SPATA6: variants seen among roughly 807,000 people sequenced by gnomAD.
SPATA6 encodes spermatogenesis-associated protein 6.
SPATA6 carries 56 observed loss-of-function variants against 65.3 expected under a neutral mutation model. The observed-to-expected ratio is 0.86, with a 90% CI of 0.69 to 1.07. The LOEUF (loss-of-function observed/expected upper bound fraction) is 1.07. SPATA6 is among the 50% of genes least tolerant of loss of function. SPATA6 has a pLI of 0.00. For synonymous variants in SPATA6, 199 were observed against 213.2 expected (o/e 0.93, Z 0.58); for missense variants, 590 against 594.8 (o/e 0.99, Z 0.08).
intron 5 of SPATA6, among the ~76,000 whole-genome samples, chr1:48,408,630 T>G (rs1173869375): frequency 5.3e-5 from 8 of 152,198 alleles, no homozygotes. Context: ...AGTTCATTTT[T>G]AATGGTACTG....
chr1:48,334,148 A>T (rs1297796723), intron 11 of SPATA6, among the ~76,000 whole-genome samples: 1 of 152,118 alleles, frequency 6.6e-6, no homozygotes, highest in East Asian at 1.9e-4. Flanking sequence ...ATAGCCGACC[A>T]ACCAATAAAA....
intron 9 of SPATA6, among the ~76,000 whole-genome samples, chr1:48,372,807 G>A (rs1266202104): frequency 2.0e-5 from 3 of 152,200 alleles, no homozygotes; most frequent in South Asian, 4.1e-4. Flanking sequence ...CCACATGGAC[G>A]CTGCCAAGGC....
chr1:48,360,906 A>C (rs1646793739), intron 9 of SPATA6, among the ~76,000 whole-genome samples: 1 of 152,288 alleles, frequency 6.6e-6, no homozygotes, highest in Non-Finnish European at 1.5e-5. Flanking sequence ...GATGACACTA[A>C]GGTTTTCTGT....
chr1:48,314,652 A>G (rs1645345471), intron 11 of SPATA6, among the ~76,000 whole-genome samples: 1 of 152,224 alleles, frequency 6.6e-6, no homozygotes, highest in Non-Finnish European at 1.5e-5. Context: ...AAGAGCAAAC[A>G]CATTCAAAAC....
chr1:48,405,978 T>C (rs1241022858), intron 5 of SPATA6, among the ~76,000 whole-genome samples: 1 of 152,090 alleles, frequency 6.6e-6, no homozygotes, highest in Non-Finnish European at 1.5e-5. Flanking sequence ...AATAAAATCC[T>C]GGTATAGATA....
chr1:48,309,913 C>T (rs539400543), intron 11 of SPATA6, among the ~76,000 whole-genome samples: 1 of 152,084 alleles, frequency 6.6e-6, no homozygotes, highest in East Asian at 1.9e-4. Flanking sequence ...TAGCCTAAGC[C>T]GTAACTGATT....
At chr1:48,438,697 C>T (rs577544093) in intron 3 of SPATA6, among the ~76,000 whole-genome samples, 1 of 152,300 alleles carries the variant, frequency 6.6e-6, no homozygotes, top group Admixed American at 6.5e-5. Flanking sequence ...GCCTGTCAGA[C>T]AAACTTCCTC....
chr1:48,329,052 T>C (rs1273864697), intron 11 of SPATA6, among the ~76,000 whole-genome samples: 2 of 152,172 alleles, frequency 1.3e-5, no homozygotes, highest in African/African-American at 4.8e-5. Context: ...TGCCAGGTCT[T>C]GATGAAATAT....
intron 3 of SPATA6, among the ~76,000 whole-genome samples, chr1:48,421,933 G>C (rs769191114): frequency 2.6e-5 from 4 of 152,104 alleles, no homozygotes; most frequent in African/African-American, 4.8e-5. Context: ...ATTTATCTTA[G>C]ACCTTCAAAA....
At chr1:48,409,613 A>C (rs1183213648) in intron 5 of SPATA6, among the ~76,000 whole-genome samples, 1 of 152,240 alleles carries the variant, frequency 6.6e-6, no homozygotes, top group African/African-American at 2.4e-5. Context: ...TCGCCCCTGC[A>C]GCAAACTTCT....
the SPATA6 span, among the ~76,000 whole-genome samples, chr1:48,277,812 G>A: frequency 1.3e-5 from 2 of 152,232 alleles, no homozygotes; most frequent in Non-Finnish European, 1.5e-5. Context: ...CTCTCTGACA[G>A]CTTTGAAGAG....
At chr1:48,419,781 T>C (rs1653148384) in intron 3 of SPATA6, among the ~76,000 whole-genome samples, 1 of 152,158 alleles carries the variant, frequency 6.6e-6, no homozygotes, top group South Asian at 2.1e-4. Flanking sequence ...AGGGGACACC[T>C]GATATGAAAA....
At chr1:48,439,010 G>A (rs778593142) in intron 3 of SPATA6, among the ~76,000 whole-genome samples, 4 of 152,114 alleles carry the variant, frequency 2.6e-5, no homozygotes, top group Non-Finnish European at 5.9e-5. Context: ...GATGAGAAAT[G>A]AGGACAAAAG....
intron 11 of SPATA6, 137 bp from the exon 12 acceptor site, chr1:48,306,015 C>A (rs949592967): frequency 3.2e-6 from 2 of 616,952 alleles, no homozygotes; most frequent in Non-Finnish European, 5.6e-6. Flanking sequence ...GCTAGTGTTT[C>A]TTTGGGGGGA....
At chr1:48,292,342 G>A (rs150887526), downstream of SPATA6, among the ~76,000 whole-genome samples, 1 of 152,332 alleles carries the variant, frequency 6.6e-6, no homozygotes, top group East Asian at 1.9e-4. Context: ...GAAGTAGCCA[G>A]GGTCCACAAC....
chr1:48,469,213 C>T (rs926913230), intron 1 of SPATA6, among the ~76,000 whole-genome samples: 39 of 151,652 alleles, frequency 2.6e-4, no homozygotes, highest in African/African-American at 9.4e-4. Flanking sequence ...CAATTTTTAG[C>T]AAAAAAATAA....
chr1:48,339,449 C>A (rs1045138650), intron 11 of SPATA6, among the ~76,000 whole-genome samples: 5 of 151,932 alleles, frequency 3.3e-5, no homozygotes, highest in East Asian at 1.9e-4. Context: ...AAGCAGATCA[C>A]AAACAGAATC....
At chr1:48,277,207 G>A in the SPATA6 span, among the ~76,000 whole-genome samples, 1 of 151,904 alleles carries the variant, frequency 6.6e-6, no homozygotes, top group African/African-American at 2.4e-5. Flanking sequence ...AGCCAAGATG[G>A]CCAAATAGGA....
intron 3 of SPATA6, among the ~76,000 whole-genome samples, chr1:48,422,360 T>C (rs546197469): frequency 3.9e-4 from 59 of 152,292 alleles, no homozygotes; most frequent in African/African-American, 1.4e-3. Flanking sequence ...CCTAAGAGCA[T>C]CTGCTAATTC....
Sources: allele counts gnomAD v4.1 joint callset (sites outside exome capture counted in the v4.1 genomes callset), GRCh38; gene constraint gnomAD v4.1.1; transcripts MANE v1.5; gene names NCBI Gene and HGNC (gene_info 2026-07-23, HGNC 2026-07-21).